The following DENND2B variants were observed in gnomAD, a reference collection of about 807,000 sequenced individuals.
The protein encoded by DENND2B is DENN domain containing 2B.
Under a neutral mutation model 116.0 loss-of-function variants are expected in DENND2B, and 32 were observed. The ratio of observed to expected loss-of-function variants is 0.28; its 90% CI spans 0.21 to 0.37. The LOEUF is 0.37. Among genes scored for constraint, DENND2B ranks in the 10% least tolerant of loss-of-function variants. The pLI, the probability that DENND2B is intolerant of heterozygous loss-of-function variation, is 1.00. For missense variants in DENND2B, 1,276 were observed against 1,477.7 expected, an observed-to-expected ratio of 0.86 and a Z score of 2.24; for synonymous variants, 588 against 583.9, an observed-to-expected ratio of 1.01 and a Z score of -0.10.
intron 2 of DENND2B, among the ~76,000 whole-genome samples, chr11:8,867,315 A>G (rs1385589258): frequency 6.6e-6 from 1 of 152,068 alleles, no homozygotes. Flanking sequence ...ATGTCCTTAT[A>G]AGCTCCATAA....
At chr11:8,805,397 A>G (rs1209800556) in intron 1 of DENND2B, among the ~76,000 whole-genome samples, 1 of 152,200 alleles carries the variant, frequency 6.6e-6, no homozygotes, top group Non-Finnish European at 1.5e-5. Context: ...TCACAAGCAC[A>G]CCAAAAGTCA....
At chr11:8,796,391 T>C (rs2059815778) in intron 1 of DENND2B, among the ~76,000 whole-genome samples, 1 of 152,030 alleles carries the variant, frequency 6.6e-6, no homozygotes, top group African/African-American at 2.4e-5. Flanking sequence ...ATACAAAAAT[T>C]AGCCAAGCAT....
chr11:8,713,042 T>A (rs2044053854), intron 8 of DENND2B, among the ~76,000 whole-genome samples: 1 of 152,128 alleles, frequency 6.6e-6, no homozygotes, highest in African/African-American at 2.4e-5. Flanking sequence ...TCTGTCCCTG[T>A]ACCAAAAGGA....
chr11:8,770,819 T>C (rs1452548666), intron 1 of DENND2B, among the ~76,000 whole-genome samples: 1 of 152,164 alleles, frequency 6.6e-6, no homozygotes, highest in Non-Finnish European at 1.5e-5. Flanking sequence ...CCTTCCCAAG[T>C]AGCTGGGATG....
At chr11:8,793,398 T>C (rs2059553388) in intron 1 of DENND2B, among the ~76,000 whole-genome samples, 1 of 152,212 alleles carries the variant, frequency 6.6e-6, no homozygotes, top group African/African-American at 2.4e-5. Context: ...CTCTATGAAT[T>C]TGCCTTTTCT....
intron 1 of DENND2B, among the ~76,000 whole-genome samples, chr11:8,884,606 G>T (rs1440756261): frequency 6.6e-6 from 1 of 152,168 alleles, no homozygotes; most frequent in South Asian, 2.1e-4. Context: ...GATGGTTACA[G>T]GACCAGGCAG....
At chr11:8,696,272 G>A (rs1327149376) in intron 18 of DENND2B, among the ~76,000 whole-genome samples, 155 bp downstream of exon 18, 1 of 152,224 alleles carries the variant, frequency 6.6e-6, no homozygotes, top group East Asian at 1.9e-4. Flanking sequence ...GGGGCCGGAG[G>A]AGAAGAATGC....
At chr11:8,867,231 C>G (rs568780250) in intron 2 of DENND2B, among the ~76,000 whole-genome samples, 1 of 152,162 alleles carries the variant, frequency 6.6e-6, no homozygotes, top group Non-Finnish European at 1.5e-5. Flanking sequence ...TAAAATGTCT[C>G]CACCCACTGC....
At chr11:8,859,371 G>C (rs1427511977) in intron 2 of DENND2B, among the ~76,000 whole-genome samples, 1 of 151,864 alleles carries the variant, frequency 6.6e-6, no homozygotes, top group African/African-American at 2.4e-5. Context: ...GCAGTGGCGC[G>C]ATCTCGGCTC....
chr11:8,712,127 G>C lies in DENND2B; in HGVS notation c.2172+424C>G, dbSNP rs1001502088. On this transcript the variant is annotated intron_variant, in intron 9 of 19. Coordinates refer to ENST00000313726, the MANE Select transcript of DENND2B (RefSeq NM_213618.2). The surrounding 1 kb of genome is among the most constrained non-coding windows in gnomAD (Gnocchi z 4.4). Reference sequence around the variant, plus strand: ...GCTGGCGACAAGCAGGGAAGGCGGAGTGAGAGACAGGCTGGTGGGAGAAGT... The same window carrying C: ...GCTGGCGACAAGCAGGGAAGGCGGACTGAGAGACAGGCTGGTGGGAGAAGT... 1.8e-5 allele frequency: 7 copies of C among 392,402 alleles called. No individual in the cohort carries two copies. Among genetic ancestry groups the C allele is most frequent in the Non-Finnish European group, 3.6e-5 (7 of 192,458 alleles). The allele number at this position is 392,402 out of a possible 1,614,324, so 24.3% of individuals were successfully genotyped here.
chr11:8,700,615 G>A (rs2041386342), intron 14 of DENND2B, among the ~76,000 whole-genome samples: 1 of 152,070 alleles, frequency 6.6e-6, no homozygotes, highest in Non-Finnish European at 1.5e-5. Flanking sequence ...TTCCTTCACT[G>A]CCCTCCTGTG....
intron 1 of DENND2B, among the ~76,000 whole-genome samples, chr11:8,894,910 A>T (rs2064080829): frequency 6.6e-6 from 1 of 152,200 alleles, no homozygotes; most frequent in Non-Finnish European, 1.5e-5. Context: ...TATATACCCA[A>T]AGGATTATAA....
intron 1 of DENND2B, chr11:8,776,266 A>G (rs1439713528): frequency 2.2e-6 from 1 of 455,624 alleles, no homozygotes; most frequent in East Asian, 6.9e-5. Context: ...CTGGGCTCAA[A>G]TCACTGGCAG....
chr11:8,860,354 T>C (rs976501702), intron 2 of DENND2B, among the ~76,000 whole-genome samples: 4 of 152,086 alleles, frequency 2.6e-5, no homozygotes, highest in Non-Finnish European at 5.9e-5. Context: ...AGTCTCAGGT[T>C]ACAAAATCAA....
At chr11:8,746,261 G>C (rs1180524709) in intron 2 of DENND2B, among the ~76,000 whole-genome samples, 1 of 152,220 alleles carries the variant, frequency 6.6e-6, no homozygotes, top group African/African-American at 2.4e-5. Context: ...ATTGGCCATG[G>C]AACCTCAAGA....
chr11:8,730,172 C>T lies in DENND2B; in HGVS notation c.1118G>A (p.Arg373Gln). The part of the protein sequence containing the change: ...GTPGNSPSSQ[R>Q]LPSKSSLDPA... ...ATCGAGGGAACTCTTCGATGGCAGC[C>T]GCTGGGAGCTAGGGCTATTTCCAGG... is the stretch of plus-strand genomic sequence containing the variant. The change falls in exon 3 of 20, where the codon CGG becomes CAG. Residue 373 changes from arginine to glutamine, a missense_variant. By Grantham distance (43) the Arg-to-Gln change is conservative. Coordinates refer to ENST00000313726, the MANE Select transcript of DENND2B (RefSeq NM_213618.2). This position sits in a 1 kb window ranked among gnomAD's most constrained non-coding sequence, Gnocchi z 4.1. The T allele has an allele frequency of 6.2e-7, 1 of 1,614,088 alleles. No homozygotes were observed. The highest frequency in any genetic ancestry group is 8.5e-7 in the Non-Finnish European group (1 of 1,179,978).
chr11:8,862,284 T>G (rs1021015095), intron 2 of DENND2B, among the ~76,000 whole-genome samples: 1 of 148,916 alleles, frequency 6.7e-6, no homozygotes, highest in African/African-American at 2.5e-5. Flanking sequence ...AGAACAAAGG[T>G]CCAAGTCAGT....
At chr11:8,766,926 C>CTG (rs1241677377) in intron 1 of DENND2B, among the ~76,000 whole-genome samples, 4 of 152,116 alleles carry the variant, frequency 2.6e-5, no homozygotes, top group Admixed American at 6.5e-5. Flanking sequence ...GGCAGCAAGG[C>CTG]TGTGTGTAGA....
intron 1 of DENND2B, among the ~76,000 whole-genome samples, chr11:8,887,125 C>T (rs937949522): frequency 1.2e-4 from 18 of 152,260 alleles, no homozygotes; most frequent in Admixed American, 5.9e-4. Context: ...CCACCACGCC[C>T]GGCCTGTGAA....
Sources: gnomAD v4.1 joint callset for allele counts (sites outside exome capture counted in the v4.1 genomes callset) on GRCh38, gnomAD v4.1.1 for gene constraint, Gnocchi (gnomAD v3.1) non-coding constraint, MANE v1.5 for transcripts, NCBI Gene and HGNC (gene_info 2026-07-23, HGNC 2026-07-21) for gene names.